The following STS variants were observed in gnomAD, a reference collection of about 807,000 sequenced individuals.
STS encodes steroid sulfatase.
A neutral mutation model predicts 26.8 loss-of-function variants in STS; 7 were observed. The observed-to-expected ratio is 0.26, with a 90% CI of 0.15 to 0.49. The LOEUF (loss-of-function observed/expected upper bound fraction) is 0.49, where lower values mean the gene tolerates loss of function less well. Among genes scored for constraint, STS ranks in the 20% least tolerant of loss-of-function variants. The probability of loss-of-function intolerance (pLI) is 0.98; values close to 1 mark genes in which losing one functional copy is unlikely to be tolerated. For synonymous variants in STS, 199 were observed against 189.4 expected (o/e 1.05, Z -0.42); for missense variants, 434 against 465.6 (o/e 0.93, Z 0.63).
intron 1 of STS, among the ~76,000 whole-genome samples, chrX:7,176,688 G>A (rs140998525): frequency 2.6e-3 from 290 of 111,567 alleles, no homozygotes; most frequent in Non-Finnish European, 4.1e-3. Flanking sequence ...AATGAGAACC[G>A]AGTGAAGGAG....
chrX:7,263,556 A>G (rs985662001), intron 6 of STS, among the ~76,000 whole-genome samples: 17 of 112,345 alleles, frequency 1.5e-4, no homozygotes, highest in Admixed American at 8.5e-4. Context: ...TATACCATCT[A>G]GGCTTGTGTA....
intron 8 of STS, among the ~76,000 whole-genome samples, chrX:7,318,326 G>A (rs866252869): frequency 9.0e-6 from 1 of 110,851 alleles, no homozygotes; most frequent in Non-Finnish European, 1.9e-5. Context: ...CACATTTGGC[G>A]CATCTCGCTT....
intron 7 of STS, among the ~76,000 whole-genome samples, chrX:7,302,280 C>CT (rs1380075613): frequency 1.8e-5 from 2 of 111,546 alleles, no homozygotes; most frequent in Non-Finnish European, 3.8e-5. Flanking sequence ...GGGCATTTTT[C>CT]TTTCAAAGTA....
At chrX:7,257,395 G>A (rs759057849) in intron 4 of STS, 32 bp downstream of exon 4, 1 of 1,210,763 alleles carries the variant, frequency 8.3e-7, no homozygotes, top group Admixed American at 2.2e-5. Context: ...AGGGGCTGTG[G>A]TCACCTTCGG....
intron 2 of STS, among the ~76,000 whole-genome samples, chrX:7,221,599 C>T (rs1921572126): frequency 9.0e-6 from 1 of 111,715 alleles, no homozygotes; most frequent in South Asian, 3.8e-4. Flanking sequence ...CAAGATGGCA[C>T]CAAAAGTTCA....
chrX:7,214,984 AT>A (rs1171498948), intron 2 of STS, among the ~76,000 whole-genome samples: 103 of 81,435 alleles, frequency 1.3e-3, no homozygotes, highest in East Asian at 1.8e-3. Context: ...ATATATACAT[AT>A]ATATACGTAT....
intron 8 of STS, among the ~76,000 whole-genome samples, chrX:7,318,509 AT>A (rs1216603763): frequency 9.0e-6 from 1 of 111,130 alleles, no homozygotes; most frequent in African/African-American, 3.3e-5. Flanking sequence ...ATTTTAAAAC[AT>A]TTTTTTGCCA....
At chrX:7,336,247 C>A (rs748779812) in intron 10 of STS, among the ~76,000 whole-genome samples, 17 of 104,512 alleles carry the variant, frequency 1.6e-4, no homozygotes, top group East Asian at 6.1e-4. Context: ...CTGCCCCCCC[C>A]ACCCGCCCCA....
intron 2 of STS, among the ~76,000 whole-genome samples, chrX:7,205,821 G>A (rs1291831154): frequency 9.2e-6 from 1 of 108,500 alleles, no homozygotes; most frequent in African/African-American, 3.4e-5. Flanking sequence ...TCGCTATATT[G>A]CCCAGTCTGG....
intron 1 of STS, among the ~76,000 whole-genome samples, chrX:7,159,613 A>G (rs959913852): frequency 5.4e-5 from 6 of 112,098 alleles, no homozygotes; most frequent in Admixed American, 1.9e-4. Context: ...CAGTGCCTAC[A>G]GGAAGTGCTC....
At chrX:7,284,991 TTGA>T (rs1925058403) in intron 7 of STS, among the ~76,000 whole-genome samples, 2 of 110,515 alleles carry the variant, frequency 1.8e-5, no homozygotes, top group African/African-American at 3.3e-5. Context: ...AGTGATAATG[TTGA>T]TGATGATATG....
chrX:7,253,147 T>G, intron 2 of STS, 49 bp from the exon 3 acceptor site: 1 of 1,201,354 alleles, frequency 8.3e-7, no homozygotes, highest in South Asian at 1.8e-5. Flanking sequence ...CAAAACCTTG[T>G]CTCAAGCTGA....
intron 7 of STS, among the ~76,000 whole-genome samples, chrX:7,281,849 G>C (rs1451368437): frequency 8.9e-6 from 1 of 112,287 alleles, no homozygotes; most frequent in East Asian, 2.8e-4. Context: ...AGTATGGACT[G>C]TAGCATGCAA....
intron 6 of STS, among the ~76,000 whole-genome samples, chrX:7,262,089 A>G (rs1923777249): frequency 8.9e-6 from 1 of 112,146 alleles, no homozygotes; most frequent in Non-Finnish European, 1.9e-5. Flanking sequence ...CTGAGGGAGC[A>G]CCACACAATT....
At chrX:7,147,597 A>T (rs183242272), upstream of STS, among the ~76,000 whole-genome samples, 1 of 112,545 alleles carries the variant, frequency 8.9e-6, no homozygotes, top group East Asian at 2.8e-4. Flanking sequence ...ACCTTGGAGC[A>T]GGCAGGCAAG....
intron 7 of STS, among the ~76,000 whole-genome samples, chrX:7,279,327 GTGTGTGTGTGTA>G (rs1422445079): frequency 1.6e-3 from 137 of 83,953 alleles, no homozygotes; most frequent in South Asian, 6.1e-3. Flanking sequence ...GTGTGTGTGT[GTGTGTGTGTGTA>G]TGTGTGTGTG....
In STS at chrX:7,335,307, A is replaced by G. The variant is rs574471734; in HGVS notation, c.1363+1200A>G. Among the ~76,000 whole-genome samples the G allele has an allele frequency of 6.1e-4, 68 of 112,087 alleles. 1 individual carries two copies. The highest frequency in any genetic ancestry group is 8.5e-4 in the Non-Finnish European group (45 of 53,235). ...TTTTTAATGATTGCCATTCTAACTG[A>G]TGTGAGATGGTATCTCATTGTGGTT... On this transcript the variant is annotated intron_variant, in intron 10 of 10. Coordinates refer to ENST00000674429, the MANE Select transcript of STS (RefSeq NM_001320752.2).
At chrX:7,184,687 A>G (rs1476903894) in intron 1 of STS, among the ~76,000 whole-genome samples, 1 of 112,038 alleles carries the variant, frequency 8.9e-6, no homozygotes, top group Non-Finnish European at 1.9e-5. Flanking sequence ...TAGGAAGATA[A>G]TATATGCCTT....
chrX:7,302,156 G>T (rs1399340343), intron 7 of STS, among the ~76,000 whole-genome samples: 2 of 111,556 alleles, frequency 1.8e-5, no homozygotes, highest in East Asian at 5.7e-4. Context: ...AGGGTGTATG[G>T]TCATATGCCC....
Sources: gnomAD v4.1 joint callset for allele counts (sites outside exome capture counted in the v4.1 genomes callset) on GRCh38, gnomAD v4.1.1 for gene constraint, MANE v1.5 for transcripts, NCBI Gene and HGNC (gene_info 2026-07-23, HGNC 2026-07-21) for gene names.